The following HDAC9 variants were observed in gnomAD, a reference collection of about 807,000 sequenced individuals.
The protein encoded by HDAC9 is MEF-2 interacting transcription repressor (MITR) protein.
Under a neutral mutation model 139.4 loss-of-function variants are expected in HDAC9, and 41 were observed. The observed-to-expected ratio is 0.29, with a 90% CI of 0.23 to 0.38. The LOEUF (loss-of-function observed/expected upper bound fraction) is 0.38, where lower values mean the gene tolerates loss of function less well. Ranked by LOEUF, HDAC9 falls within the 10% of genes least tolerant of loss-of-function variation. The pLI is 1.00. For missense variants in HDAC9, 1,147 were observed against 1,297.0 expected (o/e 0.88, Z 1.78); for synonymous variants, 517 against 476.2 (o/e 1.09, Z -1.12).
chr7:18,917,932 C>T (rs911780131), intron 22 of HDAC9, among the ~76,000 whole-genome samples: 6 of 151,924 alleles, frequency 3.9e-5, no homozygotes, highest in African/African-American at 9.7e-5. Flanking sequence ...GCAGTTTAAG[C>T]TCATTTGTCA....
At position 18,998,359 on chromosome 7, in the gene HDAC9, A is replaced by T. The variant is rs79835682; in HGVS notation, c.*2297A>T. On this transcript the variant is annotated 3_prime_UTR_variant, in exon 26 of 26. Transcript: ENST00000686413. ...TCTGATAAAGCCAAATCACTAGGAC[A>T]TCTCCATGGTTATTTAGATTTAAAA... 2.6e-5 allele frequency: 4 copies of T among 152,216 alleles called. No individual in the cohort carries two copies. 9.4% of individuals were successfully genotyped at this position (152,216 alleles called of 1,614,324 possible).
In HDAC9 at chr7:18,353,783, C is replaced by T. The variant is rs575461879; in HGVS notation, c.-42+63268C>T. 6.6e-5 allele frequency among the ~76,000 whole-genome samples: 10 copies of T among 152,302 alleles called. No individual in the cohort carries two copies. The South Asian group carries it at 2.1e-3, about 32-fold the overall frequency. ...ACCTTTGTGTTTTATAGTGAAGTAG[C>T]AGGTACACAACTTTTTAAAATCATG... On this transcript the variant is annotated intron_variant, in intron 1 of 3. Transcript: ENST00000413509.
chr7:18,864,558 C>A (rs1352576290), intron 21 of HDAC9, among the ~76,000 whole-genome samples: 2 of 151,496 alleles, frequency 1.3e-5, no homozygotes, highest in African/African-American at 2.4e-5. Flanking sequence ...TTGTATTATA[C>A]CCTTAACAGT....
chr7:18,454,291 A>G (rs1203815365), intron 1 of HDAC9, among the ~76,000 whole-genome samples: 1 of 152,104 alleles, frequency 6.6e-6, no homozygotes, highest in African/African-American at 2.4e-5. Context: ...GGTCACTCGA[A>G]TTTTGAGATT....
chr7:18,827,781 T>C (rs566814174), intron 17 of HDAC9, among the ~76,000 whole-genome samples: 1 of 152,284 alleles, frequency 6.6e-6, no homozygotes, highest in Non-Finnish European at 1.5e-5. Context: ...ATCCTATTGG[T>C]TTCCCAGTGA....
intron 2 of HDAC9, among the ~76,000 whole-genome samples, chr7:18,178,523 GCA>G (rs1229377499): frequency 1.3e-5 from 2 of 152,178 alleles, no homozygotes; most frequent in Non-Finnish European, 2.9e-5. Flanking sequence ...TCTTCAGCTA[GCA>G]CAGCGGTAGA....
chr7:18,231,662 T>A (rs1271698175), intron 2 of HDAC9, among the ~76,000 whole-genome samples: 1 of 152,194 alleles, frequency 6.6e-6, no homozygotes, highest in Non-Finnish European at 1.5e-5. Flanking sequence ...GATAAGATTA[T>A]GGGATGTGAA....
rs142919526 is a variant in HDAC9 at position 18,468,402 on chromosome 7, A to T, written c.-41-27860A>T. On this transcript the variant is annotated intron_variant, in intron 1 of 3. Transcript: ENST00000413509. ...CAATACTACTTTATTTTGTTGCTCA[A>T]ATTGTTATAGCTTTAACCATTGGAA... Among the ~76,000 whole-genome samples the T allele has an allele frequency of 8.9e-3, 1,360 of 152,124 alleles. 43 individuals are homozygous for T. The highest frequency in any genetic ancestry group is 0.05 in the Admixed American group (757 of 15,268).
intron 2 of HDAC9, among the ~76,000 whole-genome samples, chr7:18,183,250 C>T (rs1416228057): frequency 4.6e-5 from 7 of 152,152 alleles, no homozygotes; most frequent in Non-Finnish European, 1.5e-5. Context: ...ACCTCGTGAT[C>T]CGCCCGCCTC....
At chr7:18,410,997 T>A (rs1348036893) in intron 1 of HDAC9, among the ~76,000 whole-genome samples, 3 of 152,216 alleles carry the variant, frequency 2.0e-5, no homozygotes, top group Non-Finnish European at 2.9e-5. Flanking sequence ...AGCCTAGTTT[T>A]GGAAATCATT....
At chr7:18,290,348 G>A, upstream of HDAC9, 2 of 401,970 alleles carry the variant, frequency 5.0e-6, no homozygotes, top group Non-Finnish European at 9.8e-6. Context: ...GTAGCATCAG[G>A]TACTATTTAA....
intron 1 of HDAC9, among the ~76,000 whole-genome samples, chr7:18,455,281 A>G (rs973487306): frequency 6.7e-6 from 1 of 149,198 alleles, no homozygotes; most frequent in Non-Finnish European, 1.5e-5. Flanking sequence ...AATAGCTTTT[A>G]AAAAAAAAGT....
chr7:18,920,470 T>C (rs1803598786), intron 22 of HDAC9, among the ~76,000 whole-genome samples: 1 of 152,156 alleles, frequency 6.6e-6, no homozygotes, highest in South Asian at 2.1e-4. Context: ...CTTTTCCTAA[T>C]TGAATGCCCT....
intron 13 of HDAC9, among the ~76,000 whole-genome samples, chr7:18,743,743 A>G (rs1020846467): frequency 6.7e-4 from 102 of 151,876 alleles, no homozygotes; most frequent in African/African-American, 2.3e-3. Flanking sequence ...AATTAAAAAA[A>G]TAAGACACCG....
chr7:18,796,578 A>T lies in HDAC9; in HGVS notation c.2322+3126A>T, dbSNP rs189940471. Among the ~76,000 whole-genome samples, 9 of 152,320 alleles carry T rather than the reference A, an allele frequency of 5.9e-5. No homozygotes were observed. The East Asian group carries it at 1.5e-3, about 26-fold the overall frequency. ...CCAAGTTTTTAAACAATACATTTTT[A>T]AAAATACATAAGAAGGAATTCCTCA... On this transcript the variant is annotated intron_variant, in intron 17 of 25. Transcript: ENST00000686413.
At chr7:18,707,689 G>GA (rs1784034300) in intron 12 of HDAC9, among the ~76,000 whole-genome samples, 1 of 152,016 alleles carries the variant, frequency 6.6e-6, no homozygotes, top group African/African-American at 2.4e-5. Context: ...GGTGGATATG[G>GA]GCAATTATTA....
At chr7:18,523,632 G>T (rs974466343) in intron 2 of HDAC9, among the ~76,000 whole-genome samples, 3 of 152,220 alleles carry the variant, frequency 2.0e-5, no homozygotes, top group Non-Finnish European at 4.4e-5. Context: ...ATATGTGTGT[G>T]TGTGTTGGGA....
chr7:18,425,084 G>A (rs1169169328), intron 1 of HDAC9, among the ~76,000 whole-genome samples: 1 of 152,044 alleles, frequency 6.6e-6, no homozygotes, highest in Non-Finnish European at 1.5e-5. Context: ...TAATCTTGAG[G>A]TGTAGTACAC....
At chr7:18,136,035 G>A (rs1785388652) in intron 1 of HDAC9, among the ~76,000 whole-genome samples, 1 of 145,192 alleles carries the variant, frequency 6.9e-6, no homozygotes, top group African/African-American at 2.7e-5. Flanking sequence ...GTTTTGATTT[G>A]CATTTCTCTG....
Sources: allele counts gnomAD v4.1 joint callset (sites outside exome capture counted in the v4.1 genomes callset), GRCh38; gene constraint gnomAD v4.1.1; transcripts MANE v1.5; gene names NCBI Gene and HGNC (gene_info 2026-07-23, HGNC 2026-07-21).